Variants in NCKAP5 observed in about 807,000 individuals in gnomAD.
The protein encoded by NCKAP5 is nck-associated protein 5.
Under a neutral mutation model 167.0 loss-of-function variants are expected in NCKAP5, and 92 were observed. That is an observed-to-expected ratio of 0.55 (90% CI 0.47 to 0.66). NCKAP5 has a LOEUF of 0.66. Among genes scored for constraint, NCKAP5 ranks in the 30% least tolerant of loss-of-function variants. NCKAP5 has a pLI of 0.00. For missense variants in NCKAP5, 2,378 were observed against 2,315.0 expected (o/e 1.03, Z -0.56); for synonymous variants, 891 against 877.4 (o/e 1.02, Z -0.27).
intron 19 of NCKAP5, chr2:132,714,847 C>A: frequency 2.2e-6 from 1 of 454,394 alleles, no homozygotes. Context: ...AATGACACAG[C>A]CAGCGCTGAA....
At chr2:133,158,840 C>A (rs2083676626) in intron 5 of NCKAP5, among the ~76,000 whole-genome samples, 2 of 151,940 alleles carry the variant, frequency 1.3e-5, no homozygotes, top group African/African-American at 2.4e-5. Flanking sequence ...TACAGAGAAC[C>A]TACTGCTCTT....
At chr2:132,747,455 G>A (rs1185611959) in intron 16 of NCKAP5, among the ~76,000 whole-genome samples, 1 of 147,978 alleles carries the variant, frequency 6.8e-6, no homozygotes, top group African/African-American at 2.5e-5. Context: ...TTCATTTTAT[G>A]GGGGAGGAAA....
intron 3 of NCKAP5, among the ~76,000 whole-genome samples, chr2:133,474,112 A>ATATCTATCTATCTATCTATCTATC (rs10668136): frequency 2.2e-5 from 3 of 137,858 alleles, no homozygotes; most frequent in Non-Finnish European, 3.0e-5. Context: ...AGAAAATGTG[A>ATATCTATCTATCTATCTATCTATC]TATCTATCTA....
chr2:132,948,038 C>T (rs534768076), intron 8 of NCKAP5, among the ~76,000 whole-genome samples: 17 of 152,168 alleles, frequency 1.1e-4, no homozygotes, highest in Middle Eastern at 3.4e-3. Flanking sequence ...CTCACAGATG[C>T]CTCTTGGATG....
intron 3 of NCKAP5, among the ~76,000 whole-genome samples, chr2:133,403,769 T>A (rs1032281664): frequency 1.3e-5 from 2 of 152,200 alleles, no homozygotes; most frequent in Middle Eastern, 3.2e-3. Flanking sequence ...AATTCCCTTC[T>A]GAGTAAAAGG....
rs531993362 is a variant in NCKAP5, at chr2:133,019,112, T to C, written c.342-24873A>G. Among the ~76,000 whole-genome samples, 18 of 152,286 alleles carry C rather than the reference T, an allele frequency of 1.2e-4. No homozygotes were observed. In the East Asian group the frequency reaches 3.5e-3, roughly 29 times the overall value. ...CTACTGTGTCCTATGATACCGTGGA[T>C]TTCACTTCCTTAAACTTCTGTTTTA... On this transcript the variant is annotated intron_variant, in intron 6 of 19. Transcript: ENST00000409261.
chr2:133,351,426 G>C (rs967121517), intron 3 of NCKAP5, among the ~76,000 whole-genome samples: 4 of 152,070 alleles, frequency 2.6e-5, no homozygotes, highest in Non-Finnish European at 4.4e-5. Flanking sequence ...GTAGTGGTAG[G>C]AGTAATGGTA....
intron 4 of NCKAP5, among the ~76,000 whole-genome samples, chr2:133,231,918 G>T (rs1434038496): frequency 1.6e-4 from 25 of 152,140 alleles, no homozygotes; most frequent in Admixed American, 1.6e-3. Context: ...CCAGAAGAAA[G>T]ACATTTGCTA....
At chr2:132,831,914 AC>A (rs1297382409) in intron 11 of NCKAP5, among the ~76,000 whole-genome samples, 1 of 152,102 alleles carries the variant, frequency 6.6e-6, no homozygotes, top group Non-Finnish European at 1.5e-5. Flanking sequence ...TTTTAGAAAT[AC>A]ATTGATGAAT....
rs569644695 is a variant in NCKAP5 at position 133,246,312 on chromosome 2, C to T, written c.144-32533G>A. Reference sequence around the variant, plus strand: ...AATGGAGCAATGACATGAAAAAAAGCTTGTTAAAAATATGTATCCCTTTAA... The same window carrying T: ...AATGGAGCAATGACATGAAAAAAAGTTTGTTAAAAATATGTATCCCTTTAA... On this transcript the variant is annotated intron_variant, in intron 4 of 19. Coordinates refer to ENST00000409261, the MANE Select transcript of NCKAP5 (RefSeq NM_207363.3). Among the ~76,000 whole-genome samples the T allele has an allele frequency of 2.1e-4, 32 of 151,996 alleles. No individual in the cohort carries two copies. In the South Asian group the frequency reaches 4.1e-3, roughly 20 times the overall value.
intron 3 of NCKAP5, among the ~76,000 whole-genome samples, chr2:133,397,469 C>A (rs928100230): frequency 3.3e-5 from 5 of 152,206 alleles, no homozygotes; most frequent in Non-Finnish European, 7.3e-5. Flanking sequence ...AATTAGGGAA[C>A]TTTGAAGCAT....
the NCKAP5 span, among the ~76,000 whole-genome samples, chr2:133,663,948 C>T: frequency 1.3e-5 from 2 of 152,196 alleles, no homozygotes; most frequent in Non-Finnish European, 2.9e-5. Context: ...ATCACAGGAT[C>T]TGTAAGACTG....
At chr2:133,633,529 C>T in the NCKAP5 span, among the ~76,000 whole-genome samples, 14,192 of 152,210 alleles carry the variant, frequency 0.093, 756 homozygotes, top group African/African-American at 0.12. Flanking sequence ...TGAAGTCAGG[C>T]TGGCTCACGC....
At chr2:132,968,893 C>T (rs1353076268) in intron 7 of NCKAP5, among the ~76,000 whole-genome samples, 12 of 152,026 alleles carry the variant, frequency 7.9e-5, no homozygotes, top group African/African-American at 2.9e-4. Flanking sequence ...GTCTGAAGAA[C>T]TAAAAAGAAG....
intron 4 of NCKAP5, among the ~76,000 whole-genome samples, chr2:133,229,594 G>A (rs759205403): frequency 3.3e-5 from 5 of 152,180 alleles, no homozygotes; most frequent in South Asian, 2.1e-4. Context: ...CAACCATGAC[G>A]TAGGTGCTAT....
At chr2:133,065,568 T>A (rs770437319) in intron 6 of NCKAP5, among the ~76,000 whole-genome samples, 7 of 152,198 alleles carry the variant, frequency 4.6e-5, no homozygotes, top group Non-Finnish European at 8.8e-5. Flanking sequence ...GAAGTTGCAG[T>A]GAGCCCAAAT....
chr2:133,328,450 C>T (rs1010748287), intron 3 of NCKAP5, among the ~76,000 whole-genome samples: 3 of 152,040 alleles, frequency 2.0e-5, no homozygotes, highest in Non-Finnish European at 2.9e-5. Context: ...GGGGGAAAGC[C>T]GAAGACTCAA....
At chr2:133,597,201 A>G in the NCKAP5 span, among the ~76,000 whole-genome samples, 10 of 152,334 alleles carry the variant, frequency 6.6e-5, no homozygotes, top group African/African-American at 2.2e-4. Flanking sequence ...GAAACAATGC[A>G]TCTCTCAAGG....
At chr2:133,183,781 A>G (rs2084830931) in intron 5 of NCKAP5, among the ~76,000 whole-genome samples, 1 of 152,120 alleles carries the variant, frequency 6.6e-6, no homozygotes, top group Admixed American at 6.6e-5. Flanking sequence ...AGGAAGAAAT[A>G]AACTTTCTAT....
Sources: allele counts gnomAD v4.1 joint callset (sites outside exome capture counted in the v4.1 genomes callset), GRCh38; gene constraint gnomAD v4.1.1; transcripts MANE v1.5; gene names NCBI Gene and HGNC (gene_info 2026-07-23, HGNC 2026-07-21).